The following TMEM260 variants were observed in gnomAD, a reference collection of about 807,000 sequenced individuals.
The protein encoded by TMEM260 is protein O-mannosyl-transferase TMEM260.
Under a neutral mutation model 88.9 loss-of-function variants are expected in TMEM260, and 82 were observed. The observed-to-expected ratio is 0.92, with a 90% CI of 0.77 to 1.11. The LOEUF is 1.11. Ranked by LOEUF, TMEM260 falls within the 50% of genes least tolerant of loss-of-function variation. TMEM260 has a pLI of 0.00. For missense variants in TMEM260, 902 were observed against 853.4 expected (o/e 1.06, Z -0.71); for synonymous variants, 314 against 309.3 (o/e 1.02, Z -0.16).
downstream of TMEM260, among the ~76,000 whole-genome samples, chr14:56,655,510 G>A (rs976768610): frequency 3.3e-5 from 5 of 152,168 alleles, no homozygotes; most frequent in South Asian, 2.1e-4. Flanking sequence ...CACTTTGCGC[G>A]TTTGATAAAG....
chr14:56,644,918 G>T (rs967248668), intron 15 of TMEM260, among the ~76,000 whole-genome samples: 1 of 152,194 alleles, frequency 6.6e-6, no homozygotes, highest in Non-Finnish European at 1.5e-5. Context: ...GGCCATCAGA[G>T]AAATGCAAAT....
intron 3 of TMEM260, among the ~76,000 whole-genome samples, chr14:56,594,424 T>C (rs1488018849): frequency 1.3e-5 from 2 of 152,228 alleles, no homozygotes; most frequent in Non-Finnish European, 2.9e-5. Context: ...GATTCTACTT[T>C]AGCATGTTAT....
chr14:56,605,744 T>G, intron 5 of TMEM260, 61 bp downstream of exon 5: 1 of 1,033,310 alleles, frequency 9.7e-7, no homozygotes. Flanking sequence ...ATATAACATT[T>G]TTGTCATGAG....
chr14:56,636,575 C>G lies in TMEM260; in HGVS notation c.1846C>G (p.Gln616Glu), dbSNP rs371307985. 249 of 1,613,760 alleles carry G rather than the reference C, an allele frequency of 1.5e-4. No homozygotes were observed. Among genetic ancestry groups the G allele is most frequent in the Non-Finnish European group, 2.0e-4 (234 of 1,179,922 alleles). The stretch of plus-strand genomic sequence containing the variant: ...TCACATGCCTTCAAAAGTGAAAGCT[C>G]AACTCTACGCTCAAGCATATGACGT... ...TAHMPSKVKA[Q>E]LYAQAYDLYK... Residue 616 changes from glutamine to glutamate, a missense_variant, in exon 15 of 16, where the codon CAA (glutamine) becomes GAA (glutamate). By Grantham distance (29) the Gln-to-Glu change is conservative. Transcript: ENST00000261556.
In TMEM260 at chr14:56,637,240, A is replaced by C. The variant is rs778474314; in HGVS notation, c.1869+642A>C. ...AATAGGAAACTAATATAATAGCTTC[A>C]TTTAAAACAAGTTCTAGCTGGTTAC... On this transcript the variant is annotated intron_variant, in intron 15 of 15. Coordinates refer to ENST00000261556, the MANE Select transcript of TMEM260 (RefSeq NM_017799.4). Among the ~76,000 whole-genome samples the C allele has an allele frequency of 3.5e-4, 53 of 152,350 alleles. 1 individual carries two copies. The highest frequency in any genetic ancestry group is 3.4e-3 in the Middle Eastern group (1 of 294).
rs1391894959 is a variant in TMEM260, at chr14:56,616,040, A to G, written c.941+13A>G. On this transcript the variant is annotated intron_variant, in intron 8 of 15. Coordinates refer to ENST00000261556, the MANE Select transcript of TMEM260 (RefSeq NM_017799.4). ...GTTTAGCAACAAAGTAAGTAATACAATTCCTTTTTCTGTTATTTTTCTATG... is the reference window on the plus strand; with the variant it reads ...GTTTAGCAACAAAGTAAGTAATACAGTTCCTTTTTCTGTTATTTTTCTATG... 4 of 1,576,642 alleles carry G rather than the reference A, an allele frequency of 2.5e-6. No homozygotes were observed. Among genetic ancestry groups the G allele is most frequent in the Non-Finnish European group, 3.5e-6 (4 of 1,147,078 alleles).
the TMEM260 span, among the ~76,000 whole-genome samples, chr14:56,658,530 C>A: frequency 6.6e-6 from 1 of 151,932 alleles, no homozygotes; most frequent in East Asian, 1.9e-4. Context: ...GCCACCGCAC[C>A]CGGCCTTAAT....
At chr14:56,585,067 C>T in intron 2 of TMEM260, 35 bp downstream of exon 2, 2 of 1,591,704 alleles carry the variant, frequency 1.3e-6, no homozygotes, top group Non-Finnish European at 1.7e-6. Context: ...TCAATGCTCT[C>T]ATTAACAGTT....
intron 1 of TMEM260, among the ~76,000 whole-genome samples, chr14:56,583,196 T>C (rs1036429101): frequency 6.6e-6 from 1 of 152,214 alleles, no homozygotes; most frequent in African/African-American, 2.4e-5. Context: ...GAGTAAACTA[T>C]AAAATCATAT....
At chr14:56,657,625 A>C in the TMEM260 span, among the ~76,000 whole-genome samples, 7 of 152,228 alleles carry the variant, frequency 4.6e-5, no homozygotes, top group African/African-American at 1.7e-4. Flanking sequence ...TTTGTTCACC[A>C]CTACTACATT....
At chr14:56,639,273 A>G (rs1002417703) in intron 15 of TMEM260, among the ~76,000 whole-genome samples, 1 of 152,018 alleles carries the variant, frequency 6.6e-6, no homozygotes, top group Non-Finnish European at 1.5e-5. Flanking sequence ...TACAGCCAAC[A>G]ACATTATGAT....
chr14:56,648,465 T>A lies in TMEM260; in HGVS notation c.*968T>A, dbSNP rs182615669. On this transcript the variant is annotated 3_prime_UTR_variant, in exon 16 of 16. Transcript: ENST00000261556. ...CTTCCTAAGTAGAGGCCAGAATCTGTAGGGCTTCTTTTCCCCCCAATTGTA... is the reference window on the plus strand; with the variant it reads ...CTTCCTAAGTAGAGGCCAGAATCTGAAGGGCTTCTTTTCCCCCCAATTGTA... 2.0e-5 allele frequency: 3 copies of A among 152,754 alleles called. No homozygotes were observed. The highest frequency in any genetic ancestry group is 2.0e-4 in the Admixed American group (3 of 15,306). 9.5% of individuals were successfully genotyped at this position (152,754 alleles called of 1,614,324 possible).
At chr14:56,615,833 C>A in intron 7 of TMEM260, 111 bp from the exon 8 acceptor site, 1 of 708,252 alleles carries the variant, frequency 1.4e-6, no homozygotes, top group Non-Finnish European at 2.4e-6. Flanking sequence ...AATCTGACCC[C>A]AGCCCTTGTG....
At position 56,621,506 on chromosome 14, in the gene TMEM260, A is replaced by AAT. The variant is rs754144654; in HGVS notation, c.1227-24_1227-23dup. The AAT allele has an allele frequency of 2.2e-5, 34 of 1,569,234 alleles. 1 individual carries two copies. In the South Asian group the frequency reaches 3.0e-4, roughly 14 times the overall value. ...AACTGTAGCAAAGTGTTGCTATTTT[A>AAT]ATTTTTTTGGATCCTTTTATTTAGT... On this transcript the variant is annotated intron_variant, in intron 10 of 15. Transcript: ENST00000261556.
rs960079202 is a variant in TMEM260 at position 56,647,835 on chromosome 14, T to A, written c.*338T>A. On this transcript the variant is annotated 3_prime_UTR_variant, in exon 16 of 16. Transcript: ENST00000261556. ...ATATAACTAAATATTGGTCATGAAC[T>A]GTGTAAGGGCCATGCTTATTGGGAT... is the stretch of plus-strand genomic sequence containing the variant. 4.8e-6 allele frequency: 1 copy of A among 206,278 alleles called. No homozygotes were observed. The highest frequency in any genetic ancestry group is 2.3e-5 in the African/African-American group (1 of 42,642). 12.8% of individuals were successfully genotyped at this position (206,278 alleles called of 1,614,324 possible). A position where few individuals can be genotyped will look rare whatever the true frequency, so the allele number is the denominator to read the frequency against.
intron 12 of TMEM260, among the ~76,000 whole-genome samples, chr14:56,632,201 C>T (rs985369833): frequency 6.6e-6 from 1 of 152,204 alleles, no homozygotes; most frequent in African/African-American, 2.4e-5. Flanking sequence ...TTGCTGGGGC[C>T]TTCCTTTTTG....
chr14:56,616,488 T>C (rs1887602109), intron 8 of TMEM260, among the ~76,000 whole-genome samples: 1 of 152,032 alleles, frequency 6.6e-6, no homozygotes, highest in South Asian at 2.1e-4. Flanking sequence ...TATAGTTTTG[T>C]TTACTTGACA....
the TMEM260 span, among the ~76,000 whole-genome samples, chr14:56,660,979 CA>C: frequency 6.6e-6 from 1 of 152,236 alleles, no homozygotes; most frequent in Non-Finnish European, 1.5e-5. Context: ...CATATGTAAA[CA>C]AACATTCATC....
intron 13 of TMEM260, 184 bp downstream of exon 13, chr14:56,633,355 C>G: frequency 2.0e-6 from 1 of 496,534 alleles, no homozygotes; most frequent in Non-Finnish European, 3.5e-6. Flanking sequence ...CTCCTACTTA[C>G]AGAACAATGG....
Sources: gnomAD v4.1 joint callset for allele counts (sites outside exome capture counted in the v4.1 genomes callset) on GRCh38, gnomAD v4.1.1 for gene constraint, MANE v1.5 for transcripts, NCBI Gene and HGNC (gene_info 2026-07-23, HGNC 2026-07-21) for gene names.